The following LIFR variants were observed in gnomAD, a reference collection of about 807,000 sequenced individuals.
The protein encoded by LIFR is LIF receptor subunit alpha, also known as leukemia inhibitory factor receptor.
LIFR carries 84 observed loss-of-function variants against 122.2 expected under a neutral mutation model. The observed-to-expected ratio is 0.69, with a 90% confidence interval of 0.58 to 0.82. LIFR has a LOEUF of 0.82. Ranked by LOEUF, LIFR falls within the 40% of genes least tolerant of loss-of-function variation. The pLI, the probability that LIFR is intolerant of heterozygous loss-of-function variation, is 0.00. For missense variants in LIFR, 1,294 were observed against 1,311.6 expected (o/e 0.99, Z 0.21); for synonymous variants, 422 against 434.7 (o/e 0.97, Z 0.36).
At position 38,478,613 on chromosome 5, in the gene LIFR, TATTA is replaced by T. The variant is rs1263732009; in HGVS notation, c.*2978_*2981del. On this transcript the variant is annotated 3_prime_UTR_variant, in exon 20 of 20. Transcript: ENST00000453190. ...TTTAATAATTTAATATTAAATAAAA[TATTA>T]ATTATTTAAAATGGTCACTCATAAA... The T allele has an allele frequency of 1.1e-5, 2 of 185,490 alleles. No homozygotes were observed. Among genetic ancestry groups the T allele is most frequent in the East Asian group, 8.7e-5 (1 of 11,458 alleles). The allele number at this position is 185,490 out of a possible 1,614,324, so 11.5% of individuals were successfully genotyped here. A position where few individuals can be genotyped will look rare whatever the true frequency, so the allele number is the denominator to read the frequency against.
intron 1 of LIFR, among the ~76,000 whole-genome samples, chr5:38,537,107 T>C (rs1233478330): frequency 6.6e-6 from 1 of 152,200 alleles, no homozygotes; most frequent in Non-Finnish European, 1.5e-5. Context: ...GCCAGTCCAT[T>C]ATGAACCTCA....
In LIFR at chr5:38,530,677, A is replaced by T. The variant is rs1207008238; in HGVS notation, c.-19-11T>A. Reference sequence around the variant, plus strand: ...GCAATGCAGTCAGTCCTAGGTTAGGAGAGGAATTCCAGATGGTGTTCAGAT... The same window carrying T: ...GCAATGCAGTCAGTCCTAGGTTAGGTGAGGAATTCCAGATGGTGTTCAGAT... On this transcript the variant is annotated splice_polypyrimidine_tract_variant and intron_variant, in intron 1 of 19. Transcript: ENST00000453190. 1.2e-6 allele frequency: 2 copies of T among 1,612,024 alleles called. No individual in the cohort carries two copies. The highest frequency in any genetic ancestry group is 1.7e-6 in the Non-Finnish European group (2 of 1,178,244).
At chr5:38,580,155 T>C (rs1749534193) in intron 1 of LIFR, among the ~76,000 whole-genome samples, 1 of 152,192 alleles carries the variant, frequency 6.6e-6, no homozygotes, top group African/African-American at 2.4e-5. Context: ...TCAGGGAAGC[T>C]CATTTTCTAC....
chr5:38,587,406 G>A (rs756520264), intron 1 of LIFR, among the ~76,000 whole-genome samples: 5 of 151,910 alleles, frequency 3.3e-5, no homozygotes, highest in Non-Finnish European at 7.4e-5. Flanking sequence ...ATCACTCCAG[G>A]CAGATGAGAC....
At chr5:38,531,774 C>T (rs972231307) in intron 1 of LIFR, among the ~76,000 whole-genome samples, 8 of 151,958 alleles carry the variant, frequency 5.3e-5, no homozygotes, top group African/African-American at 1.2e-4. Context: ...TGAGAGAATT[C>T]GAAAAAATAT....
upstream of LIFR, among the ~76,000 whole-genome samples, chr5:38,561,493 C>G (rs1017577848): frequency 6.6e-6 from 1 of 152,160 alleles, no homozygotes; most frequent in Admixed American, 6.5e-5. Flanking sequence ...TATCAAACCA[C>G]TTATTGCTAT....
intron 1 of LIFR, among the ~76,000 whole-genome samples, chr5:38,572,972 C>G (rs1050388005): frequency 6.6e-6 from 1 of 152,164 alleles, no homozygotes; most frequent in Non-Finnish European, 1.5e-5. Context: ...CTGCAACTTT[C>G]CCCATCTTTG....
rs1221671057 is a variant in LIFR at position 38,504,059 on chromosome 5, A to G, written c.1354T>C (p.Ser452Pro). Residue 452 changes from serine to proline, a missense_variant, in exon 10 of 20, where the codon TCT (serine) becomes CCT (proline). Coordinates refer to ENST00000453190, the MANE Select transcript of LIFR (RefSeq NM_001127671.2). ...KDINSTAVKL[S>P]WHLPGNFAKI... ...GCAAAGTTGCCTGGTAAATGCCAAG[A>G]AAGTTTAACAGCTGTTGAATTAATA... 12 of 1,590,206 alleles carry G rather than the reference A, an allele frequency of 7.5e-6. No homozygotes were observed. Among genetic ancestry groups the G allele is most frequent in the Admixed American group, 1.7e-5 (1 of 59,974 alleles).
chr5:38,495,010 G>A (rs1744806604), intron 13 of LIFR, among the ~76,000 whole-genome samples: 1 of 152,182 alleles, frequency 6.6e-6, no homozygotes, highest in African/African-American at 2.4e-5. Flanking sequence ...ACAACAATTT[G>A]GCTGAGAATA....
At chr5:38,566,797 C>T (rs893518050) in intron 1 of LIFR, among the ~76,000 whole-genome samples, 1 of 152,126 alleles carries the variant, frequency 6.6e-6, no homozygotes, top group East Asian at 1.9e-4. Flanking sequence ...AATCTGTCCC[C>T]CATTCCTGGC....
chr5:38,558,196 G>A (rs1248944003), upstream of LIFR: 1 of 151,754 alleles, frequency 6.6e-6, no homozygotes, highest in East Asian at 1.9e-4. Flanking sequence ...ATATATGTGT[G>A]TGTGTATATG....
intron 5 of LIFR, among the ~76,000 whole-genome samples, chr5:38,514,448 A>G (rs1033454408): frequency 1.4e-4 from 21 of 152,164 alleles, no homozygotes; most frequent in African/African-American, 4.3e-4. Flanking sequence ...CAGAATAGAC[A>G]TTTTCATAAA....
intron 1 of LIFR, among the ~76,000 whole-genome samples, chr5:38,535,366 C>A (rs57377745): frequency 6.6e-6 from 1 of 152,202 alleles, no homozygotes; most frequent in Non-Finnish European, 1.5e-5. Context: ...GCTGCTGCTT[C>A]CACAACACTT....
chr5:38,543,846 CTGACT>C (rs768912654), intron 1 of LIFR, among the ~76,000 whole-genome samples: 1 of 152,096 alleles, frequency 6.6e-6, no homozygotes, highest in Non-Finnish European at 1.5e-5. Context: ...CACTTTCTAC[CTGACT>C]TTTCTCCAGA....
rs571064663 is a variant in LIFR, at chr5:38,475,670, G to T, written c.*5925C>A. The T allele has an allele frequency of 2.9e-4, 55 of 187,458 alleles. 1 individual carries two copies. Among genetic ancestry groups the T allele is most frequent in the Non-Finnish European group, 5.6e-4 (50 of 88,678 alleles). 11.6% of individuals were successfully genotyped at this position (187,458 alleles called of 1,614,324 possible). Reference sequence around the variant, plus strand: ...AGACAGAAACTTATATCTGTTCACAGTATGTGTATTTTGTAAACAGTAATT... The same window carrying T: ...AGACAGAAACTTATATCTGTTCACATTATGTGTATTTTGTAAACAGTAATT... On this transcript the variant is annotated 3_prime_UTR_variant, in exon 20 of 20. Transcript: ENST00000453190.
At chr5:38,508,294 G>A (rs1156862957) in intron 7 of LIFR, among the ~76,000 whole-genome samples, 1 of 151,946 alleles carries the variant, frequency 6.6e-6, no homozygotes, top group Non-Finnish European at 1.5e-5. Context: ...AAAAAACAAA[G>A]TCATTTTTAA....
chr5:38,537,323 C>T (rs891496830), intron 1 of LIFR, among the ~76,000 whole-genome samples: 1 of 152,152 alleles, frequency 6.6e-6, no homozygotes, highest in Non-Finnish European at 1.5e-5. Context: ...CCACTGCCTC[C>T]AATGGAGTGC....
At chr5:38,511,769 A>G in intron 6 of LIFR, 21 bp downstream of exon 6, 1 of 1,609,702 alleles carries the variant, frequency 6.2e-7, no homozygotes, top group South Asian at 1.1e-5. Flanking sequence ...TGAAACAAAC[A>G]TTCTTTAAAT....
At chr5:38,525,554 G>A (rs1746635841) in intron 4 of LIFR, among the ~76,000 whole-genome samples, 1 of 152,206 alleles carries the variant, frequency 6.6e-6, no homozygotes, top group South Asian at 2.1e-4. Flanking sequence ...CTGGATTTAT[G>A]TAAAGTGTTT....
Sources: gnomAD v4.1 joint callset for allele counts (sites outside exome capture counted in the v4.1 genomes callset) on GRCh38, gnomAD v4.1.1 for gene constraint, MANE v1.5 for transcripts, NCBI Gene and HGNC (gene_info 2026-07-23, HGNC 2026-07-21) for gene names.